The following STK32B variants were observed in gnomAD, a reference collection of about 807,000 sequenced individuals.
The protein encoded by STK32B is serine/threonine-protein kinase 32B.
A neutral mutation model predicts 52.6 loss-of-function variants in STK32B; 43 were observed. The observed-to-expected ratio is 0.82, with a 90% CI of 0.64 to 1.05. STK32B has a LOEUF of 1.05. Among genes scored for constraint, STK32B ranks in the 50% least tolerant of loss-of-function variants. STK32B has a pLI of 0.00. For missense variants in STK32B, 621 were observed against 534.6 expected, an observed-to-expected ratio of 1.16 and a Z score of -1.59; for synonymous variants, 238 against 204.3, an observed-to-expected ratio of 1.17 and a Z score of -1.41.
At chr4:5,480,797 T>A (rs1343877229) in intron 11 of STK32B, among the ~76,000 whole-genome samples, 2 of 152,070 alleles carry the variant, frequency 1.3e-5, no homozygotes, top group African/African-American at 4.8e-5. Flanking sequence ...GTGTTCTCAT[T>A]GTTCAATTCC....
At chr4:5,138,176 A>G (rs1447171047) in intron 1 of STK32B, among the ~76,000 whole-genome samples, 5 of 152,218 alleles carry the variant, frequency 3.3e-5, no homozygotes, top group African/African-American at 1.2e-4. Flanking sequence ...CAAAGAACCA[A>G]GGTTTTAGTA....
chr4:5,405,198 G>C (rs1252082539), intron 5 of STK32B, among the ~76,000 whole-genome samples: 1 of 151,730 alleles, frequency 6.6e-6, no homozygotes, highest in African/African-American at 2.4e-5. Flanking sequence ...CCTAGCACGG[G>C]ACCCAGATAG....
chr4:5,123,803 T>C (rs1025350902), intron 1 of STK32B, among the ~76,000 whole-genome samples: 1 of 151,722 alleles, frequency 6.6e-6, no homozygotes, highest in African/African-American at 2.4e-5. Context: ...ATTCAGCACA[T>C]GAGTTTTGGG....
chr4:5,306,940 TG>T (rs201880973), intron 3 of STK32B, among the ~76,000 whole-genome samples: 1,723 of 152,314 alleles, frequency 0.011, 22 homozygotes, highest in South Asian at 0.057. Context: ...AAAACTGTTT[TG>T]TTTAAGGAGG....
chr4:5,212,819 G>T (rs917939388), intron 3 of STK32B, among the ~76,000 whole-genome samples: 1 of 152,136 alleles, frequency 6.6e-6, no homozygotes, highest in Non-Finnish European at 1.5e-5. Context: ...TGATGAGTTG[G>T]CCTGCAAGAG....
Position 5,456,459 on chromosome 4 carries a change from C to T in STK32B, c.667-348C>T, listed in dbSNP as rs576786181. On this transcript the variant is annotated intron_variant, in intron 7 of 11. Coordinates refer to ENST00000282908, the MANE Select transcript of STK32B (RefSeq NM_018401.3). ...GAGGTGTCCGTGGGTGCCTGGTGGACGGCAAGAGTCAGCCCGCAAGCCTGT... is the reference window on the plus strand; with the variant it reads ...GAGGTGTCCGTGGGTGCCTGGTGGATGGCAAGAGTCAGCCCGCAAGCCTGT... Among the ~76,000 whole-genome samples the T allele has an allele frequency of 2.2e-3, 333 of 152,336 alleles. 5 individuals are homozygous for T. The highest frequency in any genetic ancestry group is 0.011 in the South Asian group (51 of 4,830).
intron 1 of STK32B, among the ~76,000 whole-genome samples, chr4:5,089,018 A>G (rs1338829967): frequency 6.6e-6 from 1 of 152,000 alleles, no homozygotes; most frequent in East Asian, 1.9e-4. Flanking sequence ...TTGCTCTTGG[A>G]AGAGGTCTAC....
the STK32B span, among the ~76,000 whole-genome samples, chr4:5,036,315 G>A: frequency 6.6e-6 from 1 of 152,304 alleles, no homozygotes; most frequent in South Asian, 2.1e-4. Context: ...GGTGCTCCGT[G>A]AATACTGGCT....
intron 11 of STK32B, among the ~76,000 whole-genome samples, chr4:5,479,319 A>C (rs1718500672): frequency 6.6e-6 from 1 of 151,600 alleles, no homozygotes; most frequent in Non-Finnish European, 1.5e-5. Flanking sequence ...GGGTTTCACC[A>C]TGTTGGTCAG....
At chr4:5,026,933 G>T in the STK32B span, among the ~76,000 whole-genome samples, 1 of 152,236 alleles carries the variant, frequency 6.6e-6, no homozygotes, top group Non-Finnish European at 1.5e-5. Flanking sequence ...AAGAGTCTGA[G>T]TGCTAAGGTA....
At chr4:5,193,031 C>A (rs752483413) in intron 3 of STK32B, among the ~76,000 whole-genome samples, 2 of 152,200 alleles carry the variant, frequency 1.3e-5, no homozygotes, top group African/African-American at 2.4e-5. Context: ...CCTCCCAGTG[C>A]CTTCCCTCCC....
At chr4:5,050,410 TTTTTTGTTTTG>T (rs943750856), upstream of STK32B, among the ~76,000 whole-genome samples, 8 of 115,580 alleles carry the variant, frequency 6.9e-5, no homozygotes, top group Admixed American at 4.2e-4. Flanking sequence ...CTTTAAGAGA[TTTTTTGTTTTG>T]TTTTGTTTTG....
At chr4:5,420,014 A>G (rs1712488460) in intron 6 of STK32B, among the ~76,000 whole-genome samples, 1 of 152,230 alleles carries the variant, frequency 6.6e-6, no homozygotes, top group Non-Finnish European at 1.5e-5. Context: ...AGACAGGCAC[A>G]TTAACTATAA....
At chr4:5,051,149 C>T (rs974290043), upstream of STK32B, among the ~76,000 whole-genome samples, 1 of 152,192 alleles carries the variant, frequency 6.6e-6, no homozygotes, top group Non-Finnish European at 1.5e-5. Flanking sequence ...AGTCCTGGGA[C>T]TCCCTTCGCA....
chr4:5,226,479 G>A (rs867089683), intron 3 of STK32B, among the ~76,000 whole-genome samples: 19 of 152,076 alleles, frequency 1.2e-4, no homozygotes, highest in Middle Eastern at 6.3e-3. Context: ...CCCACCGTTC[G>A]GAAAAGCATG....
At chr4:5,080,546 A>T (rs1712354663) in intron 1 of STK32B, among the ~76,000 whole-genome samples, 2 of 151,904 alleles carry the variant, frequency 1.3e-5, no homozygotes, top group South Asian at 4.2e-4. Context: ...CTGATATTTC[A>T]CCTTGCACCT....
chr4:5,153,015 A>G (rs1183808574), intron 2 of STK32B, among the ~76,000 whole-genome samples: 1 of 152,160 alleles, frequency 6.6e-6, no homozygotes, highest in African/African-American at 2.4e-5. Context: ...GATGGATGTT[A>G]TTATCCCCGT....
rs1357887354 is a variant in STK32B at position 5,446,732 on chromosome 4, T to C, written c.622T>C (p.Trp208Arg). ...RGPGYSYPVD[W>R]WSLGITAYEL... ...CCCCGGATACTCGTACCCTGTCGAC[T>C]GGTGGTCCCTGGGCATCACAGCCTA... Residue 208 changes from tryptophan to arginine, a missense_variant, in exon 7 of 12, where the codon TGG (tryptophan) becomes CGG (arginine). Physicochemically the swap from Trp to Arg is moderately radical, Grantham distance 101. Transcript: ENST00000282908. The C allele has an allele frequency of 6.2e-7, 1 of 1,613,990 alleles. No homozygotes were observed. The highest frequency in any genetic ancestry group is 8.5e-7 in the Non-Finnish European group (1 of 1,180,004).
intron 3 of STK32B, among the ~76,000 whole-genome samples, chr4:5,294,165 G>A (rs1251802923): frequency 6.6e-6 from 1 of 150,378 alleles, no homozygotes; most frequent in Non-Finnish European, 1.5e-5. Context: ...TTTTGTACCA[G>A]TACCATGCTG....
Sources: allele counts gnomAD v4.1 joint callset (sites outside exome capture counted in the v4.1 genomes callset), GRCh38; gene constraint gnomAD v4.1.1; transcripts MANE v1.5; gene names NCBI Gene and HGNC (gene_info 2026-07-23, HGNC 2026-07-21).